ANAPC1: variants seen among roughly 807,000 people sequenced by gnomAD.
ANAPC1 encodes anaphase-promoting complex subunit 1.
In ANAPC1, 36 loss-of-function variants were observed where a neutral mutation model predicts 208.0. The ratio of observed to expected loss-of-function variants is 0.17; its 90% CI spans 0.13 to 0.23. The LOEUF (loss-of-function observed/expected upper bound fraction) is 0.23, where lower values mean the gene tolerates loss of function less well. ANAPC1 is among the 10% of genes least tolerant of loss of function. The probability of loss-of-function intolerance (pLI) is 1.00; values close to 1 mark genes in which losing one functional copy is unlikely to be tolerated. For synonymous variants in ANAPC1, 378 were observed against 695.2 expected (o/e 0.54, Z 7.18); for missense variants, 942 against 2,011.6 (o/e 0.47, Z 10.17).
intron 12 of ANAPC1, 36 bp from the exon 13 acceptor site, chr2:111,856,715 A>T: frequency 6.2e-7 from 1 of 1,613,528 alleles, no homozygotes; most frequent in Non-Finnish European, 8.5e-7. Context: ...TTTATTTCCC[A>T]ATCTGAGCAA....
intron 21 of ANAPC1, among the ~76,000 whole-genome samples, chr2:111,830,129 G>A (rs1680055595): frequency 6.6e-6 from 1 of 151,852 alleles, no homozygotes; most frequent in African/African-American, 2.4e-5. Context: ...GAAGGGAGGA[G>A]TAACGCTAAT....
chr2:111,781,878 C>T (rs529738214), intron 43 of ANAPC1, among the ~76,000 whole-genome samples: 1 of 152,402 alleles, frequency 6.6e-6, no homozygotes, highest in Non-Finnish European at 1.5e-5. Flanking sequence ...ACTGCACTGG[C>T]AGTCGAGTAC....
chr2:111,798,725 G>A (rs1678284088), intron 34 of ANAPC1, among the ~76,000 whole-genome samples: 1 of 152,188 alleles, frequency 6.6e-6, no homozygotes, highest in Admixed American at 6.5e-5. Flanking sequence ...CACAGAGTGG[G>A]AGGGATATTT....
At chr2:111,794,163 T>C in intron 36 of ANAPC1, 32 bp from the exon 37 acceptor site, 2 of 1,475,878 alleles carry the variant, frequency 1.4e-6, no homozygotes, top group Non-Finnish European at 1.8e-6. Context: ...TTCCAAGTTA[T>C]AAGAAGCATC....
intron 21 of ANAPC1, among the ~76,000 whole-genome samples, chr2:111,826,946 T>C (rs186994795): frequency 3.3e-5 from 5 of 152,316 alleles, no homozygotes; most frequent in African/African-American, 1.2e-4. Flanking sequence ...CCACCGCACC[T>C]GGCCCCAAAG....
At chr2:111,833,184 A>G (rs369225823) in intron 20 of ANAPC1, 36 bp downstream of exon 20, 1 of 1,557,408 alleles carries the variant, frequency 6.4e-7, no homozygotes. Flanking sequence ...ATATCACTAC[A>G]CTGTTTAGAA....
chr2:111,869,533 AC>A (rs1682625451), intron 6 of ANAPC1, among the ~76,000 whole-genome samples: 1 of 152,210 alleles, frequency 6.6e-6, no homozygotes, highest in Non-Finnish European at 1.5e-5. Flanking sequence ...GACGTGGGCC[AC>A]CGCGCCCGGC....
At chr2:111,797,936 T>G (rs1447365596) in intron 34 of ANAPC1, among the ~76,000 whole-genome samples, 1 of 120,938 alleles carries the variant, frequency 8.3e-6, no homozygotes, top group Non-Finnish European at 1.7e-5. Flanking sequence ...ACTAGATACA[T>G]TTTCCTTTCT....
chr2:111,779,858 A>C, intron 44 of ANAPC1: 1 of 233,208 alleles, frequency 4.3e-6, no homozygotes, highest in South Asian at 5.3e-5. Flanking sequence ...AAAACAAAAA[A>C]CAAAAAAATA....
At chr2:111,864,463 C>A (rs867206010) in intron 8 of ANAPC1, among the ~76,000 whole-genome samples, 1 of 95,180 alleles carries the variant, frequency 1.1e-5, no homozygotes, top group South Asian at 3.9e-4. Flanking sequence ...TATATATATA[C>A]TTTTTTTTTT....
intron 38 of ANAPC1, among the ~76,000 whole-genome samples, chr2:111,791,789 G>A (rs1677887781): frequency 6.6e-6 from 1 of 151,718 alleles, no homozygotes; most frequent in African/African-American, 2.4e-5. Flanking sequence ...AAGCAGAGAC[G>A]GGTGCTGTGA....
intron 2 of ANAPC1, among the ~76,000 whole-genome samples, chr2:111,880,080 A>C (rs1171052866): frequency 3.9e-5 from 6 of 152,252 alleles, no homozygotes; most frequent in Middle Eastern, 3.4e-3. Flanking sequence ...TCACATTATA[A>C]CACCACAAGT....
At chr2:111,772,170 C>A (rs1346270193) in intron 47 of ANAPC1, among the ~76,000 whole-genome samples, 171 bp downstream of exon 47, 2 of 146,872 alleles carry the variant, frequency 1.4e-5, no homozygotes, top group African/African-American at 5.0e-5. Context: ...GAAAGTTATT[C>A]ATATATAAAG....
At chr2:111,848,785 A>G (rs557859965) in intron 14 of ANAPC1, among the ~76,000 whole-genome samples, 1 of 152,114 alleles carries the variant, frequency 6.6e-6, no homozygotes, top group African/African-American at 2.4e-5. Flanking sequence ...TCAAAAAAAA[A>G]AAAAAGACTA....
At chr2:111,796,305 C>G (rs1277247334) in intron 34 of ANAPC1, among the ~76,000 whole-genome samples, 1 of 148,758 alleles carries the variant, frequency 6.7e-6, no homozygotes. Context: ...CTGAATATCA[C>G]CAAATCAAAG....
At chr2:111,861,461 C>A (rs1682060409) in intron 10 of ANAPC1, among the ~76,000 whole-genome samples, 2 of 151,966 alleles carry the variant, frequency 1.3e-5, no homozygotes, top group Admixed American at 1.3e-4. Context: ...CACGCACTCA[C>A]CAGAACTTTT....
chr2:111,866,757 AAC>A (rs1682442348), intron 7 of ANAPC1, among the ~76,000 whole-genome samples: 1 of 151,672 alleles, frequency 6.6e-6, no homozygotes, highest in Non-Finnish European at 1.5e-5. Context: ...AACGACTAAA[AAC>A]AGACTATTCT....
chr2:111,825,299 T>A, intron 22 of ANAPC1, 132 bp from the exon 23 acceptor site: 1 of 1,301,486 alleles, frequency 7.7e-7, no homozygotes. Context: ...TAAGCAATAC[T>A]GTGGCAGGCT....
intron 16 of ANAPC1, among the ~76,000 whole-genome samples, chr2:111,846,735 G>C (rs1681108752): frequency 6.6e-6 from 1 of 151,154 alleles, no homozygotes; most frequent in South Asian, 2.1e-4. Flanking sequence ...ACACCCCGCT[G>C]ATTTTTGTAT....
Sources: allele counts gnomAD v4.1 joint callset (sites outside exome capture counted in the v4.1 genomes callset), GRCh38; gene constraint gnomAD v4.1.1; transcripts MANE v1.5; gene names NCBI Gene and HGNC (gene_info 2026-07-23, HGNC 2026-07-21).